The following TTN variants were observed in gnomAD, a reference collection of about 807,000 sequenced individuals.
The protein encoded by TTN is connectin.
Under a neutral mutation model 3,223.0 loss-of-function variants are expected in TTN, and 1,525 were observed. That is an observed-to-expected ratio of 0.47 (90% CI 0.45 to 0.49). The LOEUF (loss-of-function observed/expected upper bound fraction) is 0.49, where lower values mean the gene tolerates loss of function less well. TTN is among the 20% of genes least tolerant of loss of function. The pLI is 0.00. For missense variants in TTN, 40,786 were observed against 43,424.0 expected (o/e 0.94, Z 5.40); for synonymous variants, 14,094 against 15,161.0 (o/e 0.93, Z 5.17).
chr2:178,707,398 A>G, intron 100 of TTN, 128 bp downstream of exon 100: 1 of 1,135,004 alleles, frequency 8.8e-7, no homozygotes, highest in East Asian at 2.6e-5. Flanking sequence ...TAAGGAGCCT[A>G]CAAATTGCAG....
rs559219228 is a variant in TTN, at chr2:178,611,490, C to G, written c.50739G>C (p.Lys16913Asn). 1 of 1,613,008 alleles carries G rather than the reference C, an allele frequency of 6.2e-7. No homozygotes were observed. The highest frequency in any genetic ancestry group is 1.7e-5 in the Admixed American group (1 of 59,960). ...TGTCAGGAACAACACCTTCTTCAAC[C>G]TTGAATTTCAAGTCCTTTATTGGGC... ...NSRPIKDLKF[K>N]VEEGVVPDKE... The change falls in exon 269 of 363, where the codon AAG (lysine) becomes AAC (asparagine). Residue 16913 changes from lysine (K) to asparagine (N), a missense_variant. Lys to Asn is a moderately conservative substitution (Grantham distance 94). Transcript: ENST00000589042.
intron 224 of TTN, among the ~76,000 whole-genome samples, 186 bp downstream of exon 224, chr2:178,637,183 A>ATATATATG (rs1559999152): frequency 1.5e-5 from 2 of 131,194 alleles, no homozygotes; most frequent in Non-Finnish European, 3.2e-5. Flanking sequence ...ATATATATAT[A>ATATATATG]TATATATCTC....
At position 178,601,720 on chromosome 2, in the gene TTN, T is replaced by C; in HGVS notation, c.55370A>G (p.Tyr18457Cys). 2.5e-6 allele frequency: 4 copies of C among 1,610,626 alleles called. No individual in the cohort carries two copies. Among genetic ancestry groups the C allele is most frequent in the Non-Finnish European group, 3.4e-6 (4 of 1,178,816 alleles). Residue 18457 changes from tyrosine to cysteine, a missense_variant, in exon 286 of 363, where the codon TAC becomes TGC. Coordinates refer to ENST00000589042, the MANE Select transcript of TTN (RefSeq NM_001267550.2). ...PECKRSHTGK[Y>C]SITAKNKAGQ... ...TGCTTTATTCTTGGCTGTGATGCTG[T>C]ATTTGCCTGTATGAGATCGTTTACA...
intron 152 of TTN, among the ~76,000 whole-genome samples, chr2:178,673,355 G>T (rs975765194): frequency 1.3e-5 from 2 of 151,720 alleles, no homozygotes. Context: ...GGGGAAGAGG[G>T]ATCCATTGCT....
intron 54 of TTN, 29 bp downstream of exon 54, chr2:178,733,210 A>G (rs1448785107): frequency 1.9e-6 from 3 of 1,563,820 alleles, no homozygotes; most frequent in East Asian, 2.2e-5. Flanking sequence ...TCAAATGCAT[A>G]TGTAGCATCA....
chr2:178,711,900 C>G, intron 96 of TTN, 44 bp downstream of exon 96: 1 of 1,521,800 alleles, frequency 6.6e-7, no homozygotes, highest in Non-Finnish European at 8.8e-7. Context: ...AAATCTTGTT[C>G]AAAAGAAACA....
chr2:178,731,247 C>T, intron 59 of TTN, 44 bp from the exon 60 acceptor site: 1 of 1,610,268 alleles, frequency 6.2e-7, no homozygotes, highest in Non-Finnish European at 8.5e-7. Flanking sequence ...CATTACCCTG[C>T]TGAAAGGCTT....
rs1449009645 is a variant in TTN, at chr2:178,548,044, A to G, written c.93582T>C (p.Tyr31194=). The change falls in exon 339 of 363, where the codon TAT becomes TAC. Residue 31194 remains tyrosine (Y), a synonymous_variant. Coordinates refer to ENST00000589042, the MANE Select transcript of TTN (RefSeq NM_001267550.2). The surrounding 1 kb of genome is among the most constrained non-coding windows in gnomAD (Gnocchi z 4.3). Reference sequence around the variant, plus strand: ...AAGAGAAGGCTTCTCTGGGTTCACTATAGCCAGCATCATTCTTGGCCTTCA... The same window carrying G: ...AAGAGAAGGCTTCTCTGGGTTCACTGTAGCCAGCATCATTCTTGGCCTTCA... ...FRVKAKNDAG[Y]SEPREAFSSV... 28 of 1,613,818 alleles carry G rather than the reference A, an allele frequency of 1.7e-5. No individual in the cohort carries two copies. Among genetic ancestry groups the G allele is most frequent in the Non-Finnish European group, 1.9e-5 (22 of 1,179,806 alleles).
chr2:178,751,787 A>T, intron 47 of TTN: 1 of 1,613,144 alleles, frequency 6.2e-7, no homozygotes, highest in Non-Finnish European at 8.5e-7. Context: ...ATTGTTATGA[A>T]ACCAAGTCAT....
rs2079893948 is a variant in TTN, at chr2:178,729,037, T to C, written c.19001A>G (p.Glu6334Gly). ...AAATGAAATATAGACATTATCATCTTCATCAAGAATCTGATCATCCTTTAG... is the reference window on the plus strand; with the variant it reads ...AAATGAAATATAGACATTATCATCTCCATCAAGAATCTGATCATCCTTTAG... ...TWLKDDQILD[E>G]DDNVYISFVD... is the part of the protein sequence containing the mutation. Residue 6334 changes from glutamate (E) to glycine (G), a missense_variant, in exon 65 of 363, where the codon GAA becomes GGA. Coordinates refer to ENST00000589042, the MANE Select transcript of TTN (RefSeq NM_001267550.2). 3 of 1,612,874 alleles carry C rather than the reference T, an allele frequency of 1.9e-6. No individual in the cohort carries two copies. Among genetic ancestry groups the C allele is most frequent in the Non-Finnish European group, 2.5e-6 (3 of 1,179,428 alleles).
At chr2:178,637,494 T>A in intron 223 of TTN, 75 bp from the exon 224 acceptor site, 1 of 849,012 alleles carries the variant, frequency 1.2e-6, no homozygotes, top group African/African-American at 1.8e-5. Context: ...CCATGGAGGG[T>A]GAGTCATGCT....
chr2:178,748,643 G>C, intron 47 of TTN: 1 of 1,612,918 alleles, frequency 6.2e-7, no homozygotes, highest in Non-Finnish European at 8.5e-7. Context: ...TTTCACATCT[G>C]TGTGTTTTAT....
In TTN at chr2:178,583,020, C is replaced by T. The variant is rs769057462; in HGVS notation, c.65783G>A (p.Arg21928Gln). 2.3e-5 allele frequency: 37 copies of T among 1,605,954 alleles called. No homozygotes were observed. The highest frequency in any genetic ancestry group is 1.7e-4 in the Middle Eastern group (1 of 6,040). Reference sequence around the variant, plus strand: ...AATGGTATAGTCTCCTGAGTCCTTCCGGTTCACGCTGAATAGCTCCAAGGT... The same window carrying T: ...AATGGTATAGTCTCCTGAGTCCTTCTGGTTCACGCTGAATAGCTCCAAGGT... ...LCTLELFSVNRKDSGDYTITA... is the reference protein window; with the variant it reads ...LCTLELFSVNQKDSGDYTITA... Residue 21928 changes from arginine (R) to glutamine (Q), a missense_variant, in exon 313 of 363, where the codon CGG (arginine) becomes CAG (glutamine). Physicochemically the swap from Arg to Gln is conservative, Grantham distance 43. Transcript: ENST00000589042.
Position 178,776,614 on chromosome 2 carries a change from C to T in TTN, c.5250G>A (p.Arg1750=), listed in dbSNP as rs924534786. 6.2e-7 allele frequency: 1 copy of T among 1,613,950 alleles called. No individual in the cohort carries two copies. Among genetic ancestry groups the T allele is most frequent in the Non-Finnish European group, 8.5e-7 (1 of 1,180,010 alleles). Residue 1750 remains arginine, a synonymous_variant, in exon 28 of 363, where the codon AGG becomes AGA. Coordinates refer to ENST00000589042, the MANE Select transcript of TTN (RefSeq NM_001267550.2). ...ACCCAAATTCATTGATCATACGGAG[C>T]CTGTTGGCTGCTTCAAGTGGCTTTC... The part of the protein sequence containing the change: ...HDGKPLEAAN[R]LRMINEFGYC...
Position 178,565,477 on chromosome 2 carries a change from T to G in TTN, c.80655A>C (p.Pro26885=). The part of the protein sequence containing the change: ...DLTIQPSLKL[P]FNTYSIQAGE... Reference sequence around the variant, plus strand: ...CAGCTTGGATACTATATGTGTTAAATGGTAACTTTAAACTAGGCTGTATAG... The same window carrying G: ...CAGCTTGGATACTATATGTGTTAAAGGGTAACTTTAAACTAGGCTGTATAG... Residue 26885 remains proline (P), a synonymous_variant, in exon 326 of 363, where the codon CCA becomes CCC. Coordinates refer to ENST00000589042, the MANE Select transcript of TTN (RefSeq NM_001267550.2). The G allele has an allele frequency of 6.2e-7, 1 of 1,613,252 alleles. No individual in the cohort carries two copies. The highest frequency in any genetic ancestry group is 8.5e-7 in the Non-Finnish European group (1 of 1,179,526).
At position 178,549,178 on chromosome 2, in the gene TTN, T is replaced by C. The variant is rs2154147948; in HGVS notation, c.92448A>G (p.Arg30816=). 2 of 1,613,828 alleles carry C rather than the reference T, an allele frequency of 1.2e-6. No individual in the cohort carries two copies. Among genetic ancestry groups the C allele is most frequent in the East Asian group, 4.5e-5 (2 of 44,836 alleles). The change falls in exon 339 of 363, where the codon AGA becomes AGG. Residue 30816 remains arginine, a synonymous_variant. Coordinates refer to ENST00000589042, the MANE Select transcript of TTN (RefSeq NM_001267550.2). ...GAGGACCTGGTGGGTTGACGGGCTCTCTACATTTAATGAGTCTTGAGATGC... is the reference window on the plus strand; with the variant it reads ...GAGGACCTGGTGGGTTGACGGGCTCCCTACATTTAATGAGTCTTGAGATGC... ...ASGISRLIKC[R]EPVNPPGPPT... is the part of the protein sequence containing the mutation.
Position 178,652,688 on chromosome 2 carries a change from G to A in TTN, c.39008C>T (p.Ala13003Val). The part of the protein sequence containing the change: ...EVVPEKKVPS[A>V]PPKKPEVPPV... ...TGGGACTTCAGGCTTTTTAGGAGGA[G>A]CCGAGGGCACTTTCTTTTCAGGAAC... The change falls in exon 201 of 363, where the codon GCT becomes GTT. Residue 13003 changes from alanine to valine, a missense_variant. Transcript: ENST00000589042. 1 of 1,613,430 alleles carries A rather than the reference G, an allele frequency of 6.2e-7. No homozygotes were observed. The highest frequency in any genetic ancestry group is 8.5e-7 in the Non-Finnish European group (1 of 1,179,576).
chr2:178,618,225 C>T lies in TTN; in HGVS notation c.47233G>A (p.Glu15745Lys). ...RNRVGTGEPVETDNPVEARSK... is the reference protein window; with the variant it reads ...RNRVGTGEPVKTDNPVEARSK... ...CTTGCTTCTACAGGATTGTCAGTTTCTACTGGCTCACCAGTGCCAACTCTG... is the reference window on the plus strand; with the variant it reads ...CTTGCTTCTACAGGATTGTCAGTTTTTACTGGCTCACCAGTGCCAACTCTG... The change falls in exon 252 of 363, where the codon GAA (glutamate) becomes AAA (lysine). Residue 15745 changes from glutamate (E) to lysine (K), a missense_variant. By Grantham distance (56) the Glu-to-Lys change is moderately conservative. Coordinates refer to ENST00000589042, the MANE Select transcript of TTN (RefSeq NM_001267550.2). The T allele has an allele frequency of 3.1e-6, 5 of 1,612,792 alleles. No homozygotes were observed. The highest frequency in any genetic ancestry group is 4.2e-6 in the Non-Finnish European group (5 of 1,179,160).
chr2:178,531,341 T>C lies in TTN; in HGVS notation c.105274A>G (p.Ser35092Gly). 1 of 1,614,072 alleles carries C rather than the reference T, an allele frequency of 6.2e-7. No homozygotes were observed. ...VKSQMTETRE[S>G]LSSYEHSASA... ...GCAGAGTGTTCATATGAGGAGAGAC[T>C]TTCCCTTGTCTCCGTCATCTGTGAT... Residue 35092 changes from serine to glycine, a missense_variant, in exon 358 of 363, where the codon AGT becomes GGT. Ser to Gly is a moderately conservative substitution (Grantham distance 56). Coordinates refer to ENST00000589042, the MANE Select transcript of TTN (RefSeq NM_001267550.2).
Sources: allele counts gnomAD v4.1 joint callset (sites outside exome capture counted in the v4.1 genomes callset), GRCh38; gene constraint gnomAD v4.1.1; non-coding constraint Gnocchi (gnomAD v3.1); transcripts MANE v1.5; gene names NCBI Gene and HGNC (gene_info 2026-07-23, HGNC 2026-07-21).